PTPRE: variants seen among roughly 807,000 people sequenced by gnomAD.
PTPRE encodes receptor-type tyrosine-protein phosphatase epsilon.
Under a neutral mutation model 102.0 loss-of-function variants are expected in PTPRE, and 51 were observed. The observed-to-expected ratio is 0.50, with a 90% CI of 0.40 to 0.63. PTPRE has a LOEUF of 0.63. PTPRE is among the 30% of genes least tolerant of loss of function. The pLI, the probability that PTPRE is intolerant of heterozygous loss-of-function variation, is 0.00. For synonymous variants in PTPRE, 345 were observed against 348.2 expected, an observed-to-expected ratio of 0.99 and a Z score of 0.10; for missense variants, 752 against 915.1, an observed-to-expected ratio of 0.82 and a Z score of 2.30.
intron 2 of PTPRE, among the ~76,000 whole-genome samples, chr10:128,013,247 G>A (rs920003338): frequency 5.3e-5 from 8 of 152,278 alleles, no homozygotes; most frequent in Non-Finnish European, 1.0e-4. Context: ...GAAACTCATC[G>A]GTTAGCTGGG....
chr10:128,071,129 T>G (rs1850732416), intron 15 of PTPRE: 2 of 549,044 alleles, frequency 3.6e-6, no homozygotes, highest in Non-Finnish European at 6.5e-6. Context: ...TCAGGCAAGC[T>G]GCTTCGGATA....
chr10:128,034,327 C>CA (rs1029553363), intron 2 of PTPRE, among the ~76,000 whole-genome samples: 1 of 151,542 alleles, frequency 6.6e-6, no homozygotes. Context: ...TCCACACCAC[C>CA]CCCCCCACCG....
chr10:128,019,632 C>CCCATCCATCCAT lies in PTPRE; in HGVS notation c.-7-21239_-7-21238insCCATCCATCCAT, dbSNP rs199921016. Among the ~76,000 whole-genome samples, 892 of 102,962 alleles carry CCCATCCATCCAT rather than the reference C, an allele frequency of 8.7e-3. 14 individuals are homozygous for CCCATCCATCCAT. The highest frequency in any genetic ancestry group is 0.026 in the African/African-American group (853 of 33,450). 67.5% of individuals were successfully genotyped at this position (102,962 alleles called of 152,430 possible). A position where few individuals can be genotyped will look rare whatever the true frequency, so the allele number is the denominator to read the frequency against. ...TCTCTGGTGGTGTGTCCTATGTCAG[C>CCCATCCATCCAT]CCATTCATTCATTCATTCATTCATT... On this transcript the variant is annotated intron_variant, in intron 2 of 20. Transcript: ENST00000254667.
rs546381744 is a variant in PTPRE, at chr10:127,931,099, G to A, written c.-31+23790G>A. ...AGCCACCGTGCCCGGCCCGCCAGTT[G>A]TTTTTTCCTTTGTAAGTTTTTGCCA... On this transcript the variant is annotated intron_variant, in intron 1 of 20. Transcript: ENST00000254667. Among the ~76,000 whole-genome samples, 371 of 152,126 alleles carry A rather than the reference G, an allele frequency of 2.4e-3. 2 individuals carry two copies. Among genetic ancestry groups the A allele is most frequent in the African/African-American group, 8.7e-3 (363 of 41,524 alleles).
At chr10:127,914,579 A>G (rs80315359) in intron 1 of PTPRE, among the ~76,000 whole-genome samples, 5,423 of 152,332 alleles carry the variant, frequency 0.036, 133 homozygotes, top group Middle Eastern at 0.085. Context: ...AATCCTCCCT[A>G]TGGAATTCTC....
rs762025736 is a variant in PTPRE, at chr10:128,083,751, T to A, written c.*845T>A. The A allele has an allele frequency of 6.6e-6, 1 of 152,448 alleles. No individual in the cohort carries two copies. Among genetic ancestry groups the A allele is most frequent in the Non-Finnish European group, 1.5e-5 (1 of 68,214 alleles). The allele number at this position is 152,448 out of a possible 1,614,324, so 9.4% of individuals were successfully genotyped here. A position where few individuals can be genotyped will look rare whatever the true frequency, so the allele number is the denominator to read the frequency against. On this transcript the variant is annotated 3_prime_UTR_variant, in exon 21 of 21. Transcript: ENST00000254667. ...CCCCTCCCGTTCTGCCACAGCGGCCTGGGCTGGTCCAGTGCTATGCCTGGA... is the reference window on the plus strand; with the variant it reads ...CCCCTCCCGTTCTGCCACAGCGGCCAGGGCTGGTCCAGTGCTATGCCTGGA...
intron 1 of PTPRE, among the ~76,000 whole-genome samples, chr10:127,969,052 A>AC (rs1850485152): frequency 6.6e-6 from 1 of 152,196 alleles, no homozygotes; most frequent in Non-Finnish European, 1.5e-5. Context: ...AATGGTTTTC[A>AC]CCCCAAAAGA....
chr10:127,914,676 C>G (rs1484432910), intron 1 of PTPRE, among the ~76,000 whole-genome samples: 1 of 152,208 alleles, frequency 6.6e-6, no homozygotes, highest in African/African-American at 2.4e-5. Flanking sequence ...CTACAGATGT[C>G]GGTGTTTCTT....
At chr10:128,068,308 G>A (rs1370575309) in intron 12 of PTPRE, 22 bp downstream of exon 12, 10 of 1,601,192 alleles carry the variant, frequency 6.2e-6, no homozygotes, top group African/African-American at 1.3e-5. Flanking sequence ...GGGCCACGGG[G>A]CGGGACCCTC....
chr10:128,061,288 T>C (rs969003805), intron 8 of PTPRE, among the ~76,000 whole-genome samples: 1 of 152,252 alleles, frequency 6.6e-6, no homozygotes. Flanking sequence ...GTTAAACAGA[T>C]TGTGGTAAAA....
intron 2 of PTPRE, among the ~76,000 whole-genome samples, chr10:128,013,934 A>G (rs1376504249): frequency 6.6e-6 from 1 of 152,210 alleles, no homozygotes; most frequent in Admixed American, 6.6e-5. Flanking sequence ...AGTAGGTGCC[A>G]GTAAGTAGTG....
At chr10:128,055,665 C>T (rs1210950530) in intron 6 of PTPRE, among the ~76,000 whole-genome samples, 2 of 152,292 alleles carry the variant, frequency 1.3e-5, no homozygotes, top group African/African-American at 4.8e-5. Context: ...CAGGACCGCT[C>T]TATTCATCCT....
intron 1 of PTPRE, among the ~76,000 whole-genome samples, chr10:127,977,284 A>G (rs1258949066): frequency 2.0e-5 from 3 of 152,254 alleles, no homozygotes; most frequent in African/African-American, 7.2e-5. Context: ...ATTTAACTGC[A>G]TGAAGTGGAG....
At chr10:128,058,602 C>T (rs1849220277) in intron 7 of PTPRE, among the ~76,000 whole-genome samples, 1 of 152,190 alleles carries the variant, frequency 6.6e-6, no homozygotes, top group Non-Finnish European at 1.5e-5. Flanking sequence ...TGGCATTAGC[C>T]ATCAGGAAGA....
chr10:127,919,872 G>A (rs1275529482), intron 1 of PTPRE, among the ~76,000 whole-genome samples: 1 of 152,026 alleles, frequency 6.6e-6, no homozygotes. Context: ...GGGCAGTGCT[G>A]GGTAGAAATC....
intron 2 of PTPRE, among the ~76,000 whole-genome samples, chr10:128,038,017 A>G (rs1285953353): frequency 7.5e-6 from 1 of 134,042 alleles, no homozygotes; most frequent in Non-Finnish European, 1.5e-5. Flanking sequence ...TGGGCAGGCT[A>G]GTCTTGAACT....
intron 20 of PTPRE, among the ~76,000 whole-genome samples, chr10:128,080,673 C>T (rs570827740): frequency 2.0e-5 from 3 of 152,320 alleles, no homozygotes; most frequent in South Asian, 4.1e-4. Flanking sequence ...TCTTCCTGAC[C>T]GCAGCTTGCC....
chr10:128,025,798 T>C (rs1374708145), intron 2 of PTPRE, among the ~76,000 whole-genome samples: 1 of 152,120 alleles, frequency 6.6e-6, no homozygotes, highest in Admixed American at 6.5e-5. Context: ...CCTCCCCAGC[T>C]CCCAGCAGCC....
intron 2 of PTPRE, among the ~76,000 whole-genome samples, chr10:128,036,209 C>T (rs1403852190): frequency 1.3e-5 from 2 of 152,066 alleles, no homozygotes; most frequent in Non-Finnish European, 2.9e-5. Context: ...TCCTCGGGCC[C>T]TAGTGCAGTG....
Sources: allele counts gnomAD v4.1 joint callset (sites outside exome capture counted in the v4.1 genomes callset), GRCh38; gene constraint gnomAD v4.1.1; transcripts MANE v1.5; gene names NCBI Gene and HGNC (gene_info 2026-07-23, HGNC 2026-07-21).